The following PCDH9 variants were observed in gnomAD, a reference collection of about 807,000 sequenced individuals.
PCDH9 encodes the protein protocadherin 9, also known as protocadherin-9.
In PCDH9, 24 loss-of-function variants were observed where a neutral mutation model predicts 70.6. That is an observed-to-expected ratio of 0.34 (90% CI 0.25 to 0.48). The LOEUF is 0.48. PCDH9 is among the 20% of genes least tolerant of loss of function. The pLI is 0.99. For synonymous variants in PCDH9, 562 were observed against 558.5 expected, an observed-to-expected ratio of 1.01 and a Z score of -0.09; for missense variants, 1,281 against 1,503.6, an observed-to-expected ratio of 0.85 and a Z score of 2.45.
intron 2 of PCDH9, among the ~76,000 whole-genome samples, chr13:67,106,012 T>C (rs1210805239): frequency 6.6e-6 from 1 of 152,114 alleles, no homozygotes; most frequent in Admixed American, 6.5e-5. Flanking sequence ...ATCTGGTCAA[T>C]ACTCACATGG....
intron 4 of PCDH9, among the ~76,000 whole-genome samples, chr13:66,445,658 G>T (rs141282396): frequency 4.1e-4 from 50 of 122,982 alleles, no homozygotes; most frequent in Middle Eastern, 5.7e-3. Flanking sequence ...TATATATACA[G>T]ATATATATTA....
At chr13:67,085,261 C>T (rs1441544403) in intron 2 of PCDH9, among the ~76,000 whole-genome samples, 1 of 151,128 alleles carries the variant, frequency 6.6e-6, no homozygotes, top group African/African-American at 2.4e-5. Flanking sequence ...GAATATAGCC[C>T]TGGGGAATCC....
rs9571580 is a variant in PCDH9, at chr13:66,418,609, A to G, written c.3341-113581T>C. On this transcript the variant is annotated intron_variant, in intron 4 of 4. Coordinates refer to ENST00000377865, the MANE Select transcript of PCDH9 (RefSeq NM_203487.3). ...TAAATCAGTGTTTAGAGGGAAATTTATAACACTAAATGCCCACCAGAGAAA... is the reference window on the plus strand; with the variant it reads ...TAAATCAGTGTTTAGAGGGAAATTTGTAACACTAAATGCCCACCAGAGAAA... Among the ~76,000 whole-genome samples, 86 of 152,338 alleles carry G rather than the reference A, an allele frequency of 5.6e-4. 3 individuals carry two copies. The East Asian group carries it at 0.016, about 28-fold the overall frequency.
chr13:66,675,686 A>G (rs1222834752), intron 3 of PCDH9, among the ~76,000 whole-genome samples: 6 of 152,130 alleles, frequency 3.9e-5, no homozygotes, highest in African/African-American at 4.8e-5. Flanking sequence ...ATGAGTAAGT[A>G]GTGTTAAAGC....
chr13:66,825,483 C>T (rs867687633), intron 3 of PCDH9, among the ~76,000 whole-genome samples: 108 of 150,110 alleles, frequency 7.2e-4, no homozygotes, highest in African/African-American at 2.4e-3. Context: ...ACTACAGGCG[C>T]GCGCCACCAT....
chr13:67,230,312 C>T lies in PCDH9; in HGVS notation c.-668G>A, dbSNP rs2089977080. 1 of 152,478 alleles carries T rather than the reference C, an allele frequency of 6.6e-6. No individual in the cohort carries two copies. The highest frequency in any genetic ancestry group is 2.4e-5 in the African/African-American group (1 of 41,274). 9.4% of individuals were successfully genotyped at this position (152,478 alleles called of 1,614,324 possible). On this transcript the variant is annotated 5_prime_UTR_variant, in exon 1 of 5. Coordinates refer to ENST00000377865, the MANE Select transcript of PCDH9 (RefSeq NM_203487.3). The stretch of plus-strand genomic sequence containing the variant: ...CTCCCTTCCCCTCTGCCCCTCTCTC[C>T]TTCTCCCTCTCCTCTCTCTGAACTG...
At chr13:67,212,726 T>C (rs1216658804) in intron 2 of PCDH9, 1 of 152,172 alleles carries the variant, frequency 6.6e-6, no homozygotes, top group Non-Finnish European at 1.5e-5. Flanking sequence ...TAAGTTTGGA[T>C]ATCATCTCAT....
chr13:66,353,776 CAGAT>C (rs1956333081), intron 4 of PCDH9, among the ~76,000 whole-genome samples: 1 of 152,078 alleles, frequency 6.6e-6, no homozygotes, highest in Non-Finnish European at 1.5e-5. Context: ...CTTTGAGTCT[CAGAT>C]ACTTATGTAC....
At chr13:66,965,686 A>ATTGC (rs1334908412) in intron 2 of PCDH9, among the ~76,000 whole-genome samples, 1 of 151,940 alleles carries the variant, frequency 6.6e-6, no homozygotes, top group Non-Finnish European at 1.5e-5. Flanking sequence ...TATTTATTGT[A>ATTGC]TTGCTTATGA....
rs200240064 is a variant in PCDH9, at chr13:66,395,811, C to CA, written c.3341-90784dup. Among the ~76,000 whole-genome samples, 743 of 151,954 alleles carry CA rather than the reference C, an allele frequency of 4.9e-3. 23 individuals carry two copies. In the East Asian group the frequency reaches 0.074, roughly 15 times the overall value. On this transcript the variant is annotated intron_variant, in intron 4 of 4. Transcript: ENST00000377865. ...GTAAACATTTGTGCATTCAAAACTG[C>CA]AAAAAATGCTCTTATAGTATCTTTT...
chr13:67,099,222 A>G (rs1431611919), intron 2 of PCDH9, among the ~76,000 whole-genome samples: 1 of 152,216 alleles, frequency 6.6e-6, no homozygotes, highest in Non-Finnish European at 1.5e-5. Context: ...CTTTTACCAT[A>G]GAAAAAATTA....
chr13:66,460,964 A>G (rs1441542874), intron 4 of PCDH9, among the ~76,000 whole-genome samples: 1 of 151,906 alleles, frequency 6.6e-6, no homozygotes, highest in African/African-American at 2.4e-5. Context: ...GATCACTGCA[A>G]GAGAAATTGG....
intron 4 of PCDH9, among the ~76,000 whole-genome samples, chr13:66,456,412 C>T (rs1029745796): frequency 1.3e-5 from 2 of 152,084 alleles, no homozygotes; most frequent in Non-Finnish European, 2.9e-5. Flanking sequence ...CAGAGGTATA[C>T]CACCACACCT....
intron 3 of PCDH9, among the ~76,000 whole-genome samples, chr13:66,818,084 T>C (rs999235897): frequency 1.3e-5 from 2 of 152,190 alleles, no homozygotes; most frequent in African/African-American, 4.8e-5. Context: ...ACAGTTTTAA[T>C]TGGCTTTCTT....
intron 3 of PCDH9, among the ~76,000 whole-genome samples, chr13:66,647,571 C>G (rs1200031930): frequency 2.6e-5 from 4 of 152,052 alleles, no homozygotes; most frequent in African/African-American, 7.2e-5. Context: ...CACCATGGCC[C>G]TTGGGTGAAA....
intron 2 of PCDH9, among the ~76,000 whole-genome samples, chr13:67,105,943 C>A (rs186106102): frequency 6.6e-6 from 1 of 150,798 alleles, no homozygotes; most frequent in African/African-American, 2.4e-5. Flanking sequence ...AACTATATAT[C>A]TATATATTAG....
intron 4 of PCDH9, among the ~76,000 whole-genome samples, chr13:66,519,921 G>A (rs1441563025): frequency 1.3e-5 from 2 of 152,122 alleles, no homozygotes; most frequent in African/African-American, 4.8e-5. Flanking sequence ...ATATTTTACT[G>A]AAAAAGTATC....
At chr13:67,194,874 G>A (rs931796047) in intron 2 of PCDH9, among the ~76,000 whole-genome samples, 8 of 152,064 alleles carry the variant, frequency 5.3e-5, no homozygotes, top group Non-Finnish European at 8.8e-5. Flanking sequence ...AAACAAAAAT[G>A]TTTCAAACAA....
At chr13:66,854,478 A>G (rs1308168931) in intron 3 of PCDH9, among the ~76,000 whole-genome samples, 1 of 152,170 alleles carries the variant, frequency 6.6e-6, no homozygotes, top group Non-Finnish European at 1.5e-5. Flanking sequence ...TATTCACAAC[A>G]TTTTTGCAGT....
Sources: allele counts gnomAD v4.1 joint callset (sites outside exome capture counted in the v4.1 genomes callset), GRCh38; gene constraint gnomAD v4.1.1; transcripts MANE v1.5; gene names NCBI Gene and HGNC (gene_info 2026-07-23, HGNC 2026-07-21).